Variants in NR6A1 observed in about 807,000 individuals in gnomAD.
NR6A1 encodes the protein retinoic acid receptor-related testis-associated receptor.
In NR6A1, 7 loss-of-function variants were observed where a neutral mutation model predicts 59.1. The ratio of observed to expected loss-of-function variants is 0.12; its 90% CI spans 0.07 to 0.22. The LOEUF (loss-of-function observed/expected upper bound fraction) is 0.22, where lower values mean the gene tolerates loss of function less well. Among genes scored for constraint, NR6A1 ranks in the 10% least tolerant of loss-of-function variants. The probability of loss-of-function intolerance (pLI) is 1.00; values close to 1 mark genes in which losing one functional copy is unlikely to be tolerated. For synonymous variants in NR6A1, 243 were observed against 236.1 expected (o/e 1.03, Z -0.27); for missense variants, 468 against 611.6 (o/e 0.77, Z 2.48).
intron 2 of NR6A1, among the ~76,000 whole-genome samples, chr9:124,596,456 C>A (rs1835276003): frequency 6.6e-6 from 1 of 152,122 alleles, no homozygotes; most frequent in South Asian, 2.1e-4. Context: ...CATTTCCATG[C>A]TCTGGTTATC....
intron 2 of NR6A1, among the ~76,000 whole-genome samples, chr9:124,591,914 T>C (rs1053453525): frequency 6.6e-6 from 1 of 152,172 alleles, no homozygotes; most frequent in African/African-American, 2.4e-5. Flanking sequence ...CCATTTGAGA[T>C]GTAGCTTTTC....
chr9:124,573,689 T>C (rs187696592), intron 2 of NR6A1, among the ~76,000 whole-genome samples: 4 of 152,206 alleles, frequency 2.6e-5, no homozygotes, highest in Non-Finnish European at 5.9e-5. Flanking sequence ...TAGTGAAAAG[T>C]TGGGCAACCT....
chr9:124,724,312 C>A (rs1839650227), intron 2 of NR6A1, among the ~76,000 whole-genome samples: 1 of 151,864 alleles, frequency 6.6e-6, no homozygotes, highest in Non-Finnish European at 1.5e-5. Flanking sequence ...CTTCTATTTT[C>A]TTTTAGTGTT....
At chr9:124,640,435 T>C (rs961533386) in intron 2 of NR6A1, among the ~76,000 whole-genome samples, 2 of 152,156 alleles carry the variant, frequency 1.3e-5, no homozygotes, top group East Asian at 1.9e-4. Context: ...AAGGTTCTCA[T>C]GTCACCCAGG....
intron 2 of NR6A1, among the ~76,000 whole-genome samples, chr9:124,655,193 T>C (rs987332838): frequency 1.3e-5 from 2 of 152,222 alleles, no homozygotes; most frequent in African/African-American, 4.8e-5. Context: ...TTGGAGCCGA[T>C]GCCTGAGCTA....
intron 2 of NR6A1, among the ~76,000 whole-genome samples, chr9:124,701,764 C>T (rs1838959436): frequency 6.6e-6 from 1 of 152,046 alleles, no homozygotes; most frequent in Non-Finnish European, 1.5e-5. Context: ...GCTCTTGTTG[C>T]CCAGGCTGCA....
intron 2 of NR6A1, among the ~76,000 whole-genome samples, chr9:124,573,500 G>C (rs554481092): frequency 6.6e-6 from 1 of 152,192 alleles, no homozygotes; most frequent in Non-Finnish European, 1.5e-5. Context: ...TTTCACAGAA[G>C]ACAACAACAT....
intron 2 of NR6A1, among the ~76,000 whole-genome samples, chr9:124,666,914 T>C (rs537754069): frequency 3.7e-4 from 57 of 152,266 alleles, no homozygotes; most frequent in African/African-American, 1.2e-3. Context: ...ATAATACCAC[T>C]TTATAGGGCT....
intron 2 of NR6A1, among the ~76,000 whole-genome samples, chr9:124,661,346 G>A (rs1285390707): frequency 6.6e-6 from 1 of 152,174 alleles, no homozygotes; most frequent in Non-Finnish European, 1.5e-5. Context: ...AACAGTACAT[G>A]GATTCTTGTC....
intron 2 of NR6A1, among the ~76,000 whole-genome samples, chr9:124,627,877 ATTTTCTTTTTTTTTTTT>A (rs1588720430): frequency 1.1e-5 from 1 of 87,596 alleles, no homozygotes; most frequent in African/African-American, 4.3e-5. Flanking sequence ...CTGGTCTGAG[ATTTTCTTTTTTTTTTTT>A]TTTTTTTTTT....
At chr9:124,595,219 C>A (rs545888377) in intron 2 of NR6A1, among the ~76,000 whole-genome samples, 150 of 152,072 alleles carry the variant, frequency 9.9e-4, no homozygotes, top group Non-Finnish European at 1.8e-3. Flanking sequence ...TAAAAAGCAA[C>A]CCACTTAAAA....
rs1383565855 is a variant in NR6A1 at position 124,771,053 on chromosome 9, G to C, written c.67C>G (p.Pro23Ala). The change falls in exon 1 of 10, where the codon CCT becomes GCT. Residue 23 changes from proline (P) to alanine (A), a missense_variant. By Grantham distance (27) the Pro-to-Ala change is conservative (BLOSUM62 -1). Coordinates refer to ENST00000487099, the MANE Select transcript of NR6A1 (RefSeq NM_033334.4). The stretch of plus-strand genomic sequence containing the variant: ...GGCGGCGGAGGGAGCGCGGCGGGAG[G>C]CTCCAGGAACCCCGCCGAGCCCCCG... ...GGGGSAGFLEPPAALPPPPRN... is the reference protein window; with the variant it reads ...GGGGSAGFLEAPAALPPPPRN... 8.1e-7 allele frequency: 1 copy of C among 1,230,622 alleles called. No homozygotes were observed. The highest frequency in any genetic ancestry group is 3.2e-5 in the East Asian group (1 of 31,590). 76.2% of individuals were successfully genotyped at this position (1,230,622 alleles called of 1,614,324 possible). A position where few individuals can be genotyped will look rare whatever the true frequency, so the allele number is the denominator to read the frequency against.
At chr9:124,704,749 G>GT (rs1358413850) in intron 2 of NR6A1, among the ~76,000 whole-genome samples, 2 of 152,110 alleles carry the variant, frequency 1.3e-5, no homozygotes, top group African/African-American at 2.4e-5. Flanking sequence ...ATTTTTGTGT[G>GT]TGGGGGGGAA....
At chr9:124,596,015 T>C (rs1835261385) in intron 2 of NR6A1, among the ~76,000 whole-genome samples, 1 of 152,230 alleles carries the variant, frequency 6.6e-6, no homozygotes, top group African/African-American at 2.4e-5. Context: ...ATAGACTTAT[T>C]TTCTTTAGTT....
chr9:124,529,896 G>A (rs1267671796), intron 7 of NR6A1, among the ~76,000 whole-genome samples: 2 of 151,840 alleles, frequency 1.3e-5, no homozygotes, highest in African/African-American at 4.8e-5. Flanking sequence ...ATTTCTTTCA[G>A]TATCTGACTG....
chr9:124,528,565 G>A (rs1057312722), intron 7 of NR6A1, among the ~76,000 whole-genome samples: 1 of 151,920 alleles, frequency 6.6e-6, no homozygotes, highest in Non-Finnish European at 1.5e-5. Context: ...GCTGGGCATG[G>A]TAGTGCGTGC....
intron 1 of NR6A1, among the ~76,000 whole-genome samples, chr9:124,763,548 A>G (rs1355771901): frequency 6.6e-6 from 1 of 152,262 alleles, no homozygotes; most frequent in Non-Finnish European, 1.5e-5. Flanking sequence ...AAATGGGAAG[A>G]GATTAAGTTT....
intron 2 of NR6A1, among the ~76,000 whole-genome samples, chr9:124,572,018 G>A (rs542916651): frequency 1.8e-4 from 27 of 152,186 alleles, no homozygotes; most frequent in African/African-American, 6.5e-4. Flanking sequence ...GGTACCCTAG[G>A]AGCAAAGGAA....
At chr9:124,597,504 G>A (rs995800430) in intron 2 of NR6A1, among the ~76,000 whole-genome samples, 2 of 152,170 alleles carry the variant, frequency 1.3e-5, no homozygotes, top group African/African-American at 4.8e-5. Flanking sequence ...CACAACAGAG[G>A]TGTAGTAAGC....
Sources: allele counts gnomAD v4.1 joint callset (sites outside exome capture counted in the v4.1 genomes callset), GRCh38; gene constraint gnomAD v4.1.1; transcripts MANE v1.5; gene names NCBI Gene and HGNC (gene_info 2026-07-23, HGNC 2026-07-21).